Variants in GINS4 observed in about 807,000 individuals in gnomAD.
GINS4 encodes the protein GINS complex subunit 4.
In GINS4, 20 loss-of-function variants were observed where a neutral mutation model predicts 31.1. The observed-to-expected ratio is 0.64, with a 90% confidence interval of 0.45 to 0.93. The LOEUF is 0.93. Ranked by LOEUF, GINS4 falls within the 40% of genes least tolerant of loss-of-function variation. GINS4 has a pLI of 0.00. For missense variants in GINS4, 245 were observed against 273.9 expected (o/e 0.89, Z 0.75); for synonymous variants, 85 against 97.9 (o/e 0.87, Z 0.78).
At chr8:41,536,703 T>C (rs1258876571) in intron 3 of GINS4, among the ~76,000 whole-genome samples, 1 of 152,242 alleles carries the variant, frequency 6.6e-6, no homozygotes, top group Non-Finnish European at 1.5e-5. Flanking sequence ...AGCAGTCCCA[T>C]GAGAGCTGTC....
chr8:41,531,071 G>A lies in GINS4; in HGVS notation c.96+773G>A, dbSNP rs1300370213. Among the ~76,000 whole-genome samples the A allele has an allele frequency of 6.6e-5, 10 of 152,242 alleles. No homozygotes were observed. In the South Asian group the frequency reaches 1.2e-3, roughly 19 times the overall value. On this transcript the variant is annotated intron_variant, in intron 2 of 7. Coordinates refer to ENST00000276533, the MANE Select transcript of GINS4 (RefSeq NM_032336.3). ...CGGATCACCTGAGGTCCAGGAGTTC[G>A]AGACCAGCCTTACCAACATGGTAAA...
At chr8:41,535,419 T>C (rs541796642) in intron 2 of GINS4, among the ~76,000 whole-genome samples, 272 of 152,234 alleles carry the variant, frequency 1.8e-3, no homozygotes, top group African/African-American at 5.8e-3. Context: ...CCAGAAAATA[T>C]GATGTTTTCC....
At chr8:41,534,792 GTGCAATCT>G (rs918160380) in intron 2 of GINS4, among the ~76,000 whole-genome samples, 4 of 151,930 alleles carry the variant, frequency 2.6e-5, no homozygotes, top group African/African-American at 9.7e-5. Flanking sequence ...GAGGGCAGTG[GTGCAATCT>G]TGGCTCACTG....
chr8:41,529,524 CTCCT>C (rs1806619193), intron 1 of GINS4, 128 bp downstream of exon 1: 1 of 152,250 alleles, frequency 6.6e-6, no homozygotes, highest in African/African-American at 2.4e-5. Flanking sequence ...CGCCATCCAC[CTCCT>C]TAGGCCTTTG....
chr8:41,541,474 C>T (rs146034472), intron 6 of GINS4, among the ~76,000 whole-genome samples: 13 of 152,272 alleles, frequency 8.5e-5, no homozygotes, highest in African/African-American at 1.4e-4. Context: ...TTTCCGAATA[C>T]AATCCCACGC....
chr8:41,540,332 A>C, intron 6 of GINS4: 1 of 380,260 alleles, frequency 2.6e-6, no homozygotes, highest in Non-Finnish European at 5.0e-6. Flanking sequence ...CCAGCACTGC[A>C]GAGCCTACAC....
intron 2 of GINS4, among the ~76,000 whole-genome samples, chr8:41,533,432 G>C (rs982940955): frequency 6.6e-6 from 1 of 152,206 alleles, no homozygotes; most frequent in Non-Finnish European, 1.5e-5. Flanking sequence ...GGCGGCGGGG[G>C]TTCTGACAGC....
intron 4 of GINS4, chr8:41,537,898 G>C (rs1330621236): frequency 6.6e-6 from 1 of 152,042 alleles, no homozygotes; most frequent in Non-Finnish European, 1.5e-5. Context: ...GCAGGCGCCT[G>C]TAGTCCCAGC....
At chr8:41,538,739 CTG>C (rs568938366) in intron 4 of GINS4, among the ~76,000 whole-genome samples, 187 of 152,084 alleles carry the variant, frequency 1.2e-3, no homozygotes, top group African/African-American at 4.3e-3. Context: ...GAGTCTCACT[CTG>C]TTGCTCAGGC....
intron 4 of GINS4, among the ~76,000 whole-genome samples, chr8:41,539,316 T>C: frequency 1.3e-5 from 1 of 75,942 alleles, no homozygotes; most frequent in African/African-American, 6.8e-5. Flanking sequence ...TGAGACTCCA[T>C]CTCAAAAAAA....
rs1041446664 is a variant in GINS4, at chr8:41,542,920, C to T, written c.*833C>T. ...TGCACACTTGGCGGAGCAGCAGAGG[C>T]TCTCAGCACGCCTTTTCCCTTTGTA... On this transcript the variant is annotated 3_prime_UTR_variant, in exon 8 of 8. Coordinates refer to ENST00000276533, the MANE Select transcript of GINS4 (RefSeq NM_032336.3). 7.9e-5 allele frequency: 12 copies of T among 152,230 alleles called. No individual in the cohort carries two copies. Among genetic ancestry groups the T allele is most frequent in the Admixed American group, 2.6e-4 (4 of 15,280 alleles). 9.4% of individuals were successfully genotyped at this position (152,230 alleles called of 1,614,324 possible). A position where few individuals can be genotyped will look rare whatever the true frequency, so the allele number is the denominator to read the frequency against.
At chr8:41,540,264 G>T (rs948183165) in intron 6 of GINS4, 4 of 517,668 alleles carry the variant, frequency 7.7e-6, no homozygotes, top group Non-Finnish European at 1.0e-5. Context: ...GCATGGAGCC[G>T]CGTTCGCCTT....
At chr8:41,541,741 C>T in intron 6 of GINS4, 68 bp from the exon 7 acceptor site, 2 of 1,265,458 alleles carry the variant, frequency 1.6e-6, no homozygotes, top group Non-Finnish European at 2.3e-6. Context: ...CCATTCTTCC[C>T]AGCAACTTTT....
In GINS4 at chr8:41,539,772, G is replaced by A. The variant is rs1806804213; in HGVS notation, c.392G>A (p.Arg131Lys). 1 of 1,613,454 alleles carries A rather than the reference G, an allele frequency of 6.2e-7. No homozygotes were observed. Among genetic ancestry groups the A allele is most frequent in the African/African-American group, 1.3e-5 (1 of 74,930 alleles). Reference sequence around the variant, plus strand: ...TCGCCGGAAGAGTTGGCCTTTGCCAGAGAGTGAGTGAGTGAGCCGTTGGCG... The same window carrying A: ...TCGCCGGAAGAGTTGGCCTTTGCCAAAGAGTGAGTGAGTGAGCCGTTGGCG... ...SLSPEELAFA[R>K]EFMANTESYL... is the part of the protein sequence containing the mutation. The change falls in exon 5 of 8, where the codon AGA becomes AAA. Residue 131 changes from arginine to lysine, a missense_variant. Transcript: ENST00000276533.
At chr8:41,540,196 T>G (rs1197770075) in intron 6 of GINS4, among the ~76,000 whole-genome samples, 192 bp downstream of exon 6, 1 of 152,228 alleles carries the variant, frequency 6.6e-6, no homozygotes, top group Non-Finnish European at 1.5e-5. Flanking sequence ...TGAGCATTGC[T>G]TCCTTGTTCC....
chr8:41,530,304 C>T lies in GINS4; in HGVS notation c.96+6C>T. 6.3e-7 allele frequency: 1 copy of T among 1,597,188 alleles called. No individual in the cohort carries two copies. The highest frequency in any genetic ancestry group is 1.1e-5 in the South Asian group (1 of 90,172). ...TCATTGAAAGATTGGAGCAGGTAAG[C>T]ATCCCAGATCGAATCCCTTTGCTCC... On this transcript the variant is annotated splice_donor_region_variant and intron_variant, in intron 2 of 7. Coordinates refer to ENST00000276533, the MANE Select transcript of GINS4 (RefSeq NM_032336.3).
At chr8:41,534,246 A>G (rs1433323455) in intron 2 of GINS4, 3 of 427,958 alleles carry the variant, frequency 7.0e-6, no homozygotes, top group Non-Finnish European at 1.4e-5. Flanking sequence ...TTTATTAAAA[A>G]AAATTTAAAA....
At chr8:41,539,578 C>G (rs1806799777) in intron 4 of GINS4, 100 bp from the exon 5 acceptor site, 2 of 824,100 alleles carry the variant, frequency 2.4e-6, no homozygotes, top group East Asian at 2.4e-5. Context: ...GGCCACATGT[C>G]CTTCCTCGGG....
intron 4 of GINS4, among the ~76,000 whole-genome samples, chr8:41,538,654 G>C (rs1007558935): frequency 6.6e-6 from 1 of 151,800 alleles, no homozygotes; most frequent in Non-Finnish European, 1.5e-5. Context: ...TAATGTATTA[G>C]CTGTCTCTTA....
Sources: allele counts gnomAD v4.1 joint callset (sites outside exome capture counted in the v4.1 genomes callset), GRCh38; gene constraint gnomAD v4.1.1; transcripts MANE v1.5; gene names NCBI Gene and HGNC (gene_info 2026-07-23, HGNC 2026-07-21).